Variants in SHTN1 observed in about 807,000 individuals in gnomAD.
The protein encoded by SHTN1 is shootin 1.
A neutral mutation model predicts 83.1 loss-of-function variants in SHTN1; 42 were observed. That is an observed-to-expected ratio of 0.51 (90% CI 0.39 to 0.65). The LOEUF (loss-of-function observed/expected upper bound fraction) is 0.65. Ranked by LOEUF, SHTN1 falls within the 30% of genes least tolerant of loss-of-function variation. The pLI is 0.00. For synonymous variants in SHTN1, 224 were observed against 247.7 expected (o/e 0.90, Z 0.90); for missense variants, 622 against 737.8 (o/e 0.84, Z 1.82).
At chr10:116,982,859 G>A (rs1851076597) in intron 1 of SHTN1, among the ~76,000 whole-genome samples, 1 of 152,032 alleles carries the variant, frequency 6.6e-6, no homozygotes, top group Admixed American at 6.6e-5. Flanking sequence ...CTACTCTGGA[G>A]GCTTGAGGTG....
chr10:117,066,608 C>G (rs116463257), intron 1 of SHTN1, among the ~76,000 whole-genome samples: 3,200 of 152,262 alleles, frequency 0.021, 104 homozygotes, highest in African/African-American at 0.073. Flanking sequence ...AACAAACTAA[C>G]AATCTTTACC....
At chr10:116,907,850 C>T in intron 14 of SHTN1, 1 of 515,692 alleles carries the variant, frequency 1.9e-6, no homozygotes, top group South Asian at 1.4e-5. Context: ...AATAATCTTG[C>T]CAGCCTTTGT....
At chr10:117,054,659 G>A (rs531881095) in intron 1 of SHTN1, among the ~76,000 whole-genome samples, 82 of 151,858 alleles carry the variant, frequency 5.4e-4, no homozygotes, top group Admixed American at 1.8e-3. Flanking sequence ...CGCCCGTCTC[G>A]GCCTCCCAAA....
At chr10:117,022,365 G>A (rs949155777) in intron 2 of SHTN1, among the ~76,000 whole-genome samples, 3 of 152,016 alleles carry the variant, frequency 2.0e-5, no homozygotes, top group Admixed American at 6.6e-5. Flanking sequence ...CAATCTTTAC[G>A]TTCAGCAAGT....
chr10:117,070,962 C>CA, intron 1 of SHTN1, among the ~76,000 whole-genome samples: 2 of 151,688 alleles, frequency 1.3e-5, no homozygotes, highest in Non-Finnish European at 2.9e-5. Flanking sequence ...TATAAGGATC[C>CA]AAAATAGGCT....
At chr10:117,109,500 T>C (rs1853729109) in intron 1 of SHTN1, among the ~76,000 whole-genome samples, 1 of 151,276 alleles carries the variant, frequency 6.6e-6, no homozygotes, top group Admixed American at 6.6e-5. Context: ...GTGATTTTTA[T>C]ATTGTCTTTT....
rs1345270103 is a variant in SHTN1 at position 117,005,087 on chromosome 10, G to C, written c.-8C>G. The C allele has an allele frequency of 1.9e-6, 3 of 1,590,698 alleles. No homozygotes were observed. Among genetic ancestry groups the C allele is most frequent in the Non-Finnish European group, 2.6e-6 (3 of 1,168,650 alleles). On this transcript the variant is annotated 5_prime_UTR_variant, in exon 1 of 17. Transcript: ENST00000355371. ...TTCGTCCGAGCTGTTCATTTTGGCG[G>C]GTGGGGCCGGGAATAAAAGGGAAAG...
chr10:116,987,234 C>T (rs1274304244), intron 1 of SHTN1, among the ~76,000 whole-genome samples: 3 of 152,100 alleles, frequency 2.0e-5, no homozygotes, highest in Admixed American at 6.5e-5. Context: ...TCGTAAAGGT[C>T]ACATCCTAGG....
At chr10:117,050,657 G>A (rs1852726838) in intron 1 of SHTN1, among the ~76,000 whole-genome samples, 1 of 151,706 alleles carries the variant, frequency 6.6e-6, no homozygotes, top group African/African-American at 2.4e-5. Context: ...TTAATTGTTT[G>A]AAAAGATCAA....
rs139960124 is a variant in SHTN1 at position 117,038,679 on chromosome 10, C to A, written c.-123+9766G>T. Among the ~76,000 whole-genome samples, 567 of 152,254 alleles carry A rather than the reference C, an allele frequency of 3.7e-3. 4 individuals are homozygous for A. The highest frequency in any genetic ancestry group is 0.013 in the African/African-American group (536 of 41,544). On this transcript the variant is annotated intron_variant, in intron 2 of 17. Transcript: ENST00000392901. ...ACTCAGTGAATAAATGGGACAAAGA[C>A]TTTAACAGACACCTAACCAAAGAAG...
chr10:116,987,309 C>T (rs968870776), intron 1 of SHTN1, among the ~76,000 whole-genome samples: 1 of 152,126 alleles, frequency 6.6e-6, no homozygotes, highest in African/African-American at 2.4e-5. Context: ...AGAACACTTC[C>T]CTTCCTTCCA....
chr10:117,104,157 T>C (rs1853641561), intron 1 of SHTN1, among the ~76,000 whole-genome samples: 1 of 152,210 alleles, frequency 6.6e-6, no homozygotes, highest in Admixed American at 6.5e-5. Context: ...TCATTTTTTT[T>C]TAAGCATTTT....
At chr10:116,929,028 T>A (rs1564881635) in intron 10 of SHTN1, among the ~76,000 whole-genome samples, 1 of 152,198 alleles carries the variant, frequency 6.6e-6, no homozygotes, top group Non-Finnish European at 1.5e-5. Context: ...TAATTTTGGA[T>A]CAATTAAAAA....
intron 16 of SHTN1, among the ~76,000 whole-genome samples, chr10:116,892,748 T>C (rs1452798691): frequency 2.0e-5 from 3 of 152,236 alleles, no homozygotes; most frequent in Admixed American, 1.3e-4. Context: ...TTATTGGGTT[T>C]CAGAAATTGG....
chr10:117,038,797 T>G (rs1328580543), intron 2 of SHTN1, among the ~76,000 whole-genome samples: 4 of 152,166 alleles, frequency 2.6e-5, no homozygotes, highest in Non-Finnish European at 5.9e-5. Flanking sequence ...GTGATATCAC[T>G]ACACACCTGT....
chr10:117,020,869 AC>A (rs1852250561), intron 2 of SHTN1, among the ~76,000 whole-genome samples: 1 of 152,198 alleles, frequency 6.6e-6, no homozygotes, highest in African/African-American at 2.4e-5. Flanking sequence ...TACACTATCC[AC>A]AGACAGTGGA....
At chr10:116,958,626 C>T (rs925740208) in intron 4 of SHTN1, among the ~76,000 whole-genome samples, 1 of 152,188 alleles carries the variant, frequency 6.6e-6, no homozygotes, top group African/African-American at 2.4e-5. Flanking sequence ...ATGGTCCATC[C>T]TGGCATTTAG....
chr10:117,084,077 G>A (rs1240333432), intron 1 of SHTN1, among the ~76,000 whole-genome samples: 2 of 152,012 alleles, frequency 1.3e-5, no homozygotes, highest in Non-Finnish European at 2.9e-5. Context: ...GCTTTGTTCC[G>A]TTGCTGGTGA....
chr10:116,965,545 C>G (rs1041516986), intron 3 of SHTN1, among the ~76,000 whole-genome samples: 1 of 152,102 alleles, frequency 6.6e-6, no homozygotes, highest in African/African-American at 2.4e-5. Flanking sequence ...AGTAGGTTAA[C>G]GTTACAGGGA....
Sources: gnomAD v4.1 joint callset for allele counts (sites outside exome capture counted in the v4.1 genomes callset) on GRCh38, gnomAD v4.1.1 for gene constraint, MANE v1.5 for transcripts, NCBI Gene and HGNC (gene_info 2026-07-23, HGNC 2026-07-21) for gene names.